USP8: variants seen among roughly 807,000 people sequenced by gnomAD.
USP8 encodes ubiquitin carboxyl-terminal hydrolase 8.
Under a neutral mutation model 130.0 loss-of-function variants are expected in USP8, and 27 were observed. That is an observed-to-expected ratio of 0.21 (90% CI 0.15 to 0.29). USP8 has a LOEUF of 0.29. Ranked by LOEUF, USP8 falls within the 10% of genes least tolerant of loss-of-function variation. USP8 has a pLI of 1.00. For missense variants in USP8, 1,029 were observed against 1,312.2 expected, an observed-to-expected ratio of 0.78 and a Z score of 3.33; for synonymous variants, 392 against 444.1, an observed-to-expected ratio of 0.88 and a Z score of 1.48.
intron 12 of USP8, 72 bp downstream of exon 12, chr15:50,484,433 C>A (rs2141308215): frequency 8.5e-7 from 1 of 1,178,858 alleles, no homozygotes; most frequent in Non-Finnish European, 1.2e-6. Context: ...GATTATCTTA[C>A]CACACTGCTA....
chr15:50,444,253 G>A (rs774956537), intron 3 of USP8, among the ~76,000 whole-genome samples: 1 of 151,412 alleles, frequency 6.6e-6, no homozygotes, highest in African/African-American at 2.4e-5. Context: ...ACAGGCACCC[G>A]CCACCACGCC....
chr15:50,491,997 G>A (rs554880994), intron 14 of USP8, among the ~76,000 whole-genome samples: 59 of 152,238 alleles, frequency 3.9e-4, no homozygotes, highest in African/African-American at 1.3e-3. Context: ...GAGTAGCTGG[G>A]ACTATAGACG....
At position 50,476,987 on chromosome 15, in the gene USP8, A is replaced by G. The variant is rs373961591; in HGVS notation, c.988A>G (p.Ile330Val). ...ACGACGCCAGAATGAAGAGGTGTCT[A>G]TCTCATGTATGTATGTGAAAATTTT... Reference protein sequence around the residue: ...PPRRQNEEVSISLDFTYPSLE... With the variant: ...PPRRQNEEVSVSLDFTYPSLE... The change falls in exon 9 of 20, where the codon ATC becomes GTC. Residue 330 changes from isoleucine to valine, a missense_variant. This residue lies in a region of USP8 where 486 missense variants were observed against 522.0 expected (regional missense o/e 0.93). Transcript: ENST00000307179. 9.1e-5 allele frequency: 146 copies of G among 1,604,428 alleles called. No homozygotes were observed. Among genetic ancestry groups the G allele is most frequent in the African/African-American group, 1.1e-4 (8 of 74,340 alleles).
At chr15:50,488,486 C>T (rs754230182) in intron 12 of USP8, among the ~76,000 whole-genome samples, 2 of 150,400 alleles carry the variant, frequency 1.3e-5, no homozygotes, top group Non-Finnish European at 3.0e-5. Flanking sequence ...TTGCCTCAAG[C>T]GATCCTCCCA....
At chr15:50,491,506 A>G (rs977024999) in intron 14 of USP8, among the ~76,000 whole-genome samples, 4 of 152,196 alleles carry the variant, frequency 2.6e-5, no homozygotes, top group East Asian at 1.9e-4. Flanking sequence ...TAAGGACTGT[A>G]TGCTGTTTGT....
intron 8 of USP8, among the ~76,000 whole-genome samples, chr15:50,475,720 A>C (rs1348775245): frequency 6.6e-6 from 1 of 152,084 alleles, no homozygotes; most frequent in Non-Finnish European, 1.5e-5. Context: ...CTCTTGCCTC[A>C]GCCTCCCAAG....
chr15:50,498,573 A>G lies in USP8; in HGVS notation c.3039-23A>G, dbSNP rs1192689655. ...TCCTGGTATCTTCCTCTGTCAGTGT[A>G]ATTGTAATGTTTTGTTCTGCAGTTT... is the stretch of plus-strand genomic sequence containing the variant. On this transcript the variant is annotated intron_variant, in intron 18 of 19. Coordinates refer to ENST00000307179, the MANE Select transcript of USP8 (RefSeq NM_005154.5). 8.8e-6 allele frequency: 14 copies of G among 1,589,108 alleles called. No individual in the cohort carries two copies. In the African/African-American group the frequency reaches 1.6e-4, roughly 18 times the overall value.
chr15:50,428,142 G>C (rs539854252), intron 1 of USP8, among the ~76,000 whole-genome samples: 5 of 151,824 alleles, frequency 3.3e-5, no homozygotes, highest in African/African-American at 1.2e-4. Flanking sequence ...TTTTGAGAGG[G>C]AGTCTTGCTC....
Position 50,512,902 on chromosome 15 carries a change from A to G in USP8, c.*13814A>G. On this transcript the variant is annotated 3_prime_UTR_variant, in exon 20 of 20. Transcript: ENST00000307179. ...TTCTTTTTATTTAAGTTGGGAAACA[A>G]AAAGATCATGTACAACAAACCAAAA... 6.6e-6 allele frequency: 1 copy of G among 152,248 alleles called. No individual in the cohort carries two copies. The highest frequency in any genetic ancestry group is 1.9e-4 in the East Asian group (1 of 5,208). The allele number at this position is 152,248 out of a possible 1,614,324, so 9.4% of individuals were successfully genotyped here.
chr15:50,485,980 CAG>C (rs753642020), intron 12 of USP8, among the ~76,000 whole-genome samples: 4 of 152,048 alleles, frequency 2.6e-5, no homozygotes, highest in African/African-American at 4.8e-5. Flanking sequence ...TCAGTACACC[CAG>C]AGTTATTTTT....
intron 1 of USP8, among the ~76,000 whole-genome samples, chr15:50,431,650 T>C (rs927356951): frequency 6.6e-6 from 1 of 152,156 alleles, no homozygotes; most frequent in African/African-American, 2.4e-5. Context: ...TTCTGTAATA[T>C]TCCTTATTAT....
chr15:50,474,716 G>A (rs1024934259), intron 8 of USP8, among the ~76,000 whole-genome samples: 26 of 152,138 alleles, frequency 1.7e-4, no homozygotes, highest in African/African-American at 4.8e-4. Context: ...ATGAATAGAC[G>A]ATATAAATGT....
chr15:50,441,589 C>T (rs2050262395), intron 3 of USP8, 96 bp downstream of exon 3: 1 of 1,057,170 alleles, frequency 9.5e-7, no homozygotes. Flanking sequence ...TGAAATGTAG[C>T]TCAAATTATA....
intron 8 of USP8, among the ~76,000 whole-genome samples, chr15:50,476,517 T>A (rs909935253): frequency 6.6e-6 from 1 of 152,204 alleles, no homozygotes; most frequent in African/African-American, 2.4e-5. Context: ...AAAAGCAACA[T>A]CATAAAGGTT....
intron 5 of USP8, among the ~76,000 whole-genome samples, chr15:50,459,673 C>T (rs1435913528): frequency 3.3e-5 from 5 of 152,100 alleles, no homozygotes; most frequent in African/African-American, 9.7e-5. Flanking sequence ...ATTTTCTCTG[C>T]ATTAATTCGT....
chr15:50,483,158 C>T (rs1170695389), intron 11 of USP8, among the ~76,000 whole-genome samples: 1 of 152,054 alleles, frequency 6.6e-6, no homozygotes, highest in Non-Finnish European at 1.5e-5. Context: ...TAATGATAAC[C>T]CCATAAGGTA....
chr15:50,497,110 A>G lies in USP8; in HGVS notation c.2917A>G (p.Lys973Glu), dbSNP rs1233994254. 1.2e-6 allele frequency: 2 copies of G among 1,603,656 alleles called. No homozygotes were observed. Among genetic ancestry groups the G allele is most frequent in the East Asian group, 2.3e-5 (1 of 44,262 alleles). Reference sequence around the variant, plus strand: ...CCAGGATTGCCTTAGATTATTTTCCAAAGAAGAAAAACTCACAGATAACAA... The same window carrying G: ...CCAGGATTGCCTTAGATTATTTTCCGAAGAAGAAAAACTCACAGATAACAA... The part of the protein sequence containing the change: ...TLQDCLRLFS[K>E]EEKLTDNNRF... The change falls in exon 18 of 20, where the codon AAA becomes GAA. Residue 973 changes from lysine (K) to glutamate (E), a missense_variant. Physicochemically the swap from Lys to Glu is moderately conservative, Grantham distance 56 (BLOSUM62 1). Transcript: ENST00000307179.
chr15:50,432,113 T>C (rs1034562030), intron 1 of USP8, among the ~76,000 whole-genome samples: 4 of 152,214 alleles, frequency 2.6e-5, no homozygotes, highest in Non-Finnish European at 4.4e-5. Context: ...AGGAATGATA[T>C]AGATCACAAG....
intron 7 of USP8, among the ~76,000 whole-genome samples, chr15:50,470,261 G>A (rs371382120): frequency 1.3e-5 from 2 of 152,178 alleles, no homozygotes; most frequent in Non-Finnish European, 2.9e-5. Flanking sequence ...TAGGTAAGAC[G>A]TACAATAAAA....
Sources: allele counts gnomAD v4.1 joint callset (sites outside exome capture counted in the v4.1 genomes callset), GRCh38; gene constraint gnomAD v4.1.1; regional missense constraint gnomAD v4.1.1; transcripts MANE v1.5; gene names NCBI Gene and HGNC (gene_info 2026-07-23, HGNC 2026-07-21).